The following ZNF26 variants were observed in gnomAD, a reference collection of about 807,000 sequenced individuals.
ZNF26 encodes zinc finger protein 26.
Under a neutral mutation model 54.9 loss-of-function variants are expected in ZNF26, and 32 were observed. That is an observed-to-expected ratio of 0.58 (90% CI 0.44 to 0.78). ZNF26 has a LOEUF of 0.78. Ranked by LOEUF, ZNF26 falls within the 30% of genes least tolerant of loss-of-function variation. The probability of loss-of-function intolerance (pLI) is 0.00; values close to 1 mark genes in which losing one functional copy is unlikely to be tolerated. For synonymous variants in ZNF26, 221 were observed against 209.2 expected, an observed-to-expected ratio of 1.06 and a Z score of -0.49; for missense variants, 524 against 634.0, an observed-to-expected ratio of 0.83 and a Z score of 1.86.
Position 133,001,668 on chromosome 12 carries a change from A to G in ZNF26, c.34-5374A>G. The G allele has an allele frequency of 7.8e-7, 1 of 1,289,032 alleles. No individual in the cohort carries two copies. Among genetic ancestry groups the G allele is most frequent in the Non-Finnish European group, 1.0e-6 (1 of 988,670 alleles). 79.8% of individuals were successfully genotyped at this position (1,289,032 alleles called of 1,614,324 possible). ...TGAGGAGGAGCCTGCTAATGAGCTC[A>G]AGTGTCAAGTTCGGGAATCTTCTGG... On this transcript the variant is annotated intron_variant, in intron 1 of 3. Coordinates refer to ENST00000328654, the MANE Select transcript of ZNF26 (RefSeq NM_019591.4). The surrounding 1 kb of genome is among the most constrained non-coding windows in gnomAD (Gnocchi z 4.7).
chr12:133,000,967 C>T (rs1488458486), intron 1 of ZNF26, among the ~76,000 whole-genome samples: 1 of 152,158 alleles, frequency 6.6e-6, no homozygotes, highest in Non-Finnish European at 1.5e-5. Flanking sequence ...ATCTGCTGTG[C>T]ACCTTCCCTC....
In ZNF26 at chr12:133,022,137, G is replaced by A. The variant is rs1953651442; in HGVS notation, c.*10656G>A. On this transcript the variant is annotated 3_prime_UTR_variant, in exon 4 of 4. Transcript: ENST00000328654. ...GGAGGCTGAGACGGGAGTATCACTT[G>A]AACTCGAAAGGTGGAGGTTGCAGTG... The A allele has an allele frequency of 6.6e-6, 1 of 151,870 alleles. No homozygotes were observed. Among genetic ancestry groups the A allele is most frequent in the Non-Finnish European group, 1.5e-5 (1 of 67,990 alleles). The allele number at this position is 151,870 out of a possible 1,614,324, so 9.4% of individuals were successfully genotyped here.
At position 133,011,482 on chromosome 12, in the gene ZNF26, GA is replaced by G. The variant is rs1953471747; in HGVS notation, c.*4del. The G allele has an allele frequency of 6.5e-7, 1 of 1,534,358 alleles. No individual in the cohort carries two copies. Among genetic ancestry groups the G allele is most frequent in the South Asian group, 1.3e-5 (1 of 76,414 alleles). Reference sequence around the variant, plus strand: ...TATACATCGGAAGACTCATAAATGAGAAATCAGAATGATGCAATGTGAGAAA... The same window carrying G: ...TATACATCGGAAGACTCATAAATGAGAATCAGAATGATGCAATGTGAGAAA... On this transcript the variant is annotated 3_prime_UTR_variant, in exon 4 of 4. Coordinates refer to ENST00000328654, the MANE Select transcript of ZNF26 (RefSeq NM_019591.4).
Position 133,010,294 on chromosome 12 carries a change from TC to T in ZNF26, c.416del (p.Ser139Ter). 3 of 1,613,942 alleles carry T rather than the reference TC, an allele frequency of 1.9e-6. No individual in the cohort carries two copies. The highest frequency in any genetic ancestry group is 2.5e-6 in the Non-Finnish European group (3 of 1,180,012). ...NTRGKSLTQN[S>X]APSRSYLRKN... ...ACGTGGAAAAAGTTTGACACAAAAC[TC>T]AGCTCCAAGCAGAAGTTATTTAAGA... is the stretch of plus-strand genomic sequence containing the variant. On this transcript the variant is annotated frameshift_variant, in exon 4 of 4. Coordinates refer to ENST00000328654, the MANE Select transcript of ZNF26 (RefSeq NM_019591.4). LOFTEE classifies it high-confidence loss of function.
Position 132,986,888 on chromosome 12 carries a change from T to C in ZNF26, c.33+15T>C. ...CTTCGTGCTGGGTAAGTAGAGACTT[T>C]CCGTGTTTAAAATTCGACTGGATAC... is the stretch of plus-strand genomic sequence containing the variant. On this transcript the variant is annotated intron_variant, in intron 1 of 3. Transcript: ENST00000328654. 4 of 1,602,648 alleles carry C rather than the reference T, an allele frequency of 2.5e-6. No individual in the cohort carries two copies. The highest frequency in any genetic ancestry group is 1.1e-5 in the South Asian group (1 of 89,054).
At chr12:133,007,878 C>T (rs1158407280) in intron 3 of ZNF26, among the ~76,000 whole-genome samples, 1 of 152,086 alleles carries the variant, frequency 6.6e-6, no homozygotes, top group Non-Finnish European at 1.5e-5. Flanking sequence ...TGATGTGGCT[C>T]ATTGCCCTCT....
At chr12:133,007,981 G>A (rs940336104) in intron 3 of ZNF26, among the ~76,000 whole-genome samples, 3 of 152,020 alleles carry the variant, frequency 2.0e-5, no homozygotes, top group Non-Finnish European at 4.4e-5. Flanking sequence ...CTATATCTTT[G>A]AGTGACTTTA....
rs952080542 is a variant in ZNF26, at chr12:132,986,770, G to T, written c.-71G>T. ...GTCCCGCACCTGTCTTCGGGCGGAC[G>T]CATCCCTCACGGTCTCTCCGCAGCC... On this transcript the variant is annotated 5_prime_UTR_variant, in exon 1 of 4. Transcript: ENST00000328654. 1.3e-6 allele frequency: 2 copies of T among 1,518,006 alleles called. No homozygotes were observed. Among genetic ancestry groups the T allele is most frequent in the South Asian group, 2.4e-5 (2 of 83,628 alleles). The allele number at this position is 1,518,006 out of a possible 1,614,324, so 94.0% of individuals were successfully genotyped here. A position where few individuals can be genotyped will look rare whatever the true frequency, so the allele number is the denominator to read the frequency against.
rs1953527925 is a variant in ZNF26 at position 133,013,894 on chromosome 12, A to G, written c.*2413A>G. 1 of 152,772 alleles carries G rather than the reference A, an allele frequency of 6.5e-6. No homozygotes were observed. Among genetic ancestry groups the G allele is most frequent in the Non-Finnish European group, 1.5e-5 (1 of 68,290 alleles). 9.5% of individuals were successfully genotyped at this position (152,772 alleles called of 1,614,324 possible). A position where few individuals can be genotyped will look rare whatever the true frequency, so the allele number is the denominator to read the frequency against. ...AAAATTCAAACTTGAGTGTCCATAAATAACTGTTGTTGGAACATGGCTAAA... is the reference window on the plus strand; with the variant it reads ...AAAATTCAAACTTGAGTGTCCATAAGTAACTGTTGTTGGAACATGGCTAAA... On this transcript the variant is annotated 3_prime_UTR_variant, in exon 4 of 4. Coordinates refer to ENST00000328654, the MANE Select transcript of ZNF26 (RefSeq NM_019591.4).
At chr12:132,989,982 G>A (rs946873512) in intron 1 of ZNF26, among the ~76,000 whole-genome samples, 2 of 152,042 alleles carry the variant, frequency 1.3e-5, no homozygotes, top group East Asian at 1.9e-4. Context: ...TTGTGAATGG[G>A]GTTGGATTTT....
intron 1 of ZNF26, among the ~76,000 whole-genome samples, chr12:133,003,550 G>A (rs1953264768): frequency 6.6e-6 from 1 of 152,084 alleles, no homozygotes; most frequent in African/African-American, 2.4e-5. Context: ...ACCGCCCCTG[G>A]CCTCCCTTTT....
At chr12:133,003,462 G>T (rs1953263013) in intron 1 of ZNF26, among the ~76,000 whole-genome samples, 2 of 151,968 alleles carry the variant, frequency 1.3e-5, no homozygotes, top group African/African-American at 4.8e-5. Flanking sequence ...CACCGTGTTA[G>T]CCAGGATGGT....
intron 1 of ZNF26, chr12:132,987,859 C>A: frequency 2.7e-6 from 1 of 364,644 alleles, no homozygotes; most frequent in Non-Finnish European, 3.8e-6. Context: ...GTGGATTTCT[C>A]CCCCTGTGAG....
intron 1 of ZNF26, among the ~76,000 whole-genome samples, chr12:132,991,630 CA>C (rs1296804934): frequency 4.4e-5 from 3 of 68,124 alleles, no homozygotes; most frequent in Non-Finnish European, 3.9e-5. Context: ...ACAACAACAA[CA>C]AAAAAAAAAA....
In ZNF26 at chr12:132,986,762, G is replaced by C; in HGVS notation, c.-79G>C. On this transcript the variant is annotated 5_prime_UTR_variant, in exon 1 of 4. Coordinates refer to ENST00000328654, the MANE Select transcript of ZNF26 (RefSeq NM_019591.4). ...GGGCCCTGGTCCCGCACCTGTCTTC[G>C]GGCGGACGCATCCCTCACGGTCTCT... is the stretch of plus-strand genomic sequence containing the variant. 1.3e-6 allele frequency: 2 copies of C among 1,498,632 alleles called. No homozygotes were observed. The highest frequency in any genetic ancestry group is 2.0e-5 in the Admixed American group (1 of 50,056). The allele number at this position is 1,498,632 out of a possible 1,614,324, so 92.8% of individuals were successfully genotyped here.
At chr12:132,991,692 A>G (rs755410411) in intron 1 of ZNF26, among the ~76,000 whole-genome samples, 53 of 151,570 alleles carry the variant, frequency 3.5e-4, no homozygotes, top group Non-Finnish European at 5.4e-4. Flanking sequence ...AGCCCCAGCT[A>G]CTTGGGAGGT....
At position 133,016,196 on chromosome 12, in the gene ZNF26, C is replaced by T. The variant is rs1593676902; in HGVS notation, c.*4715C>T. ...CAGGTGATTCTCCTGCCTCAGCCTCCTGAGTAGCTGGGATTACAGGCACCT... is the reference window on the plus strand; with the variant it reads ...CAGGTGATTCTCCTGCCTCAGCCTCTTGAGTAGCTGGGATTACAGGCACCT... On this transcript the variant is annotated 3_prime_UTR_variant, in exon 4 of 4. Coordinates refer to ENST00000328654, the MANE Select transcript of ZNF26 (RefSeq NM_019591.4). The T allele has an allele frequency of 6.6e-6, 1 of 151,232 alleles. No individual in the cohort carries two copies. Among genetic ancestry groups the T allele is most frequent in the Non-Finnish European group, 1.5e-5 (1 of 67,968 alleles). 9.4% of individuals were successfully genotyped at this position (151,232 alleles called of 1,614,324 possible). A position where few individuals can be genotyped will look rare whatever the true frequency, so the allele number is the denominator to read the frequency against.
At chr12:132,997,649 G>A (rs1274860415) in intron 1 of ZNF26, among the ~76,000 whole-genome samples, 4 of 152,202 alleles carry the variant, frequency 2.6e-5, no homozygotes, top group African/African-American at 9.7e-5. Flanking sequence ...GCCAAGGAGG[G>A]TTCCAAATTA....
intron 1 of ZNF26, among the ~76,000 whole-genome samples, chr12:133,000,493 T>C (rs933466507): frequency 3.4e-5 from 5 of 147,732 alleles, no homozygotes; most frequent in East Asian, 2.0e-4. Flanking sequence ...GGCACGATCT[T>C]GGCTCACTGC....
Sources: allele counts gnomAD v4.1 joint callset (sites outside exome capture counted in the v4.1 genomes callset), GRCh38; gene constraint gnomAD v4.1.1; non-coding constraint Gnocchi (gnomAD v3.1); transcripts MANE v1.5; gene names NCBI Gene and HGNC (gene_info 2026-07-23, HGNC 2026-07-21).